CNTNAP2: variants seen among roughly 807,000 people sequenced by gnomAD.
The protein encoded by CNTNAP2 is contactin-associated protein-like 2.
In CNTNAP2, 98 loss-of-function variants were observed where a neutral mutation model predicts 155.2. That is an observed-to-expected ratio of 0.63 (90% CI 0.54 to 0.75). The LOEUF is 0.75. Among genes scored for constraint, CNTNAP2 ranks in the 30% least tolerant of loss-of-function variants. The pLI is 0.00. For synonymous variants in CNTNAP2, 651 were observed against 631.2 expected (o/e 1.03, Z -0.47); for missense variants, 1,727 against 1,688.1 (o/e 1.02, Z -0.40).
At chr7:147,775,158 T>C (rs2116542938) in intron 13 of CNTNAP2, among the ~76,000 whole-genome samples, 1 of 146,340 alleles carries the variant, frequency 6.8e-6, no homozygotes, top group South Asian at 2.1e-4. Context: ...CTGATTTTTT[T>C]CACTACAGTT....
intron 12 of CNTNAP2, among the ~76,000 whole-genome samples, chr7:147,575,488 T>C (rs992138190): frequency 3.8e-5 from 5 of 133,138 alleles, no homozygotes; most frequent in South Asian, 2.6e-4. Context: ...GTGTGTGTAT[T>C]CCCTAGCTTT....
At chr7:147,125,935 C>A (rs1801224272) in intron 6 of CNTNAP2, among the ~76,000 whole-genome samples, 1 of 152,158 alleles carries the variant, frequency 6.6e-6, no homozygotes. Flanking sequence ...AGATCACAGT[C>A]CTTTTTAATC....
intron 1 of CNTNAP2, among the ~76,000 whole-genome samples, chr7:146,686,603 A>G (rs1461909998): frequency 6.6e-6 from 1 of 152,190 alleles, no homozygotes; most frequent in Non-Finnish European, 1.5e-5. Flanking sequence ...AAAGGAAATT[A>G]AAAGATAATT....
chr7:147,245,621 C>T (rs767357515), intron 8 of CNTNAP2, among the ~76,000 whole-genome samples: 1 of 151,998 alleles, frequency 6.6e-6, no homozygotes, highest in Non-Finnish European at 1.5e-5. Flanking sequence ...AGCACGAGGT[C>T]AGGAGTTCAA....
intron 1 of CNTNAP2, among the ~76,000 whole-genome samples, chr7:146,648,051 C>T (rs1167422670): frequency 6.6e-6 from 1 of 152,070 alleles, no homozygotes; most frequent in Admixed American, 6.6e-5. Context: ...CCTCACCTGA[C>T]CTGGAGCCAG....
chr7:146,912,199 A>G (rs1306460535), intron 3 of CNTNAP2, among the ~76,000 whole-genome samples: 2 of 150,162 alleles, frequency 1.3e-5, no homozygotes, highest in Non-Finnish European at 3.0e-5. Context: ...GATGATTTAA[A>G]TTTTCTTAAA....
At chr7:146,210,352 A>G (rs573831366) in intron 1 of CNTNAP2, among the ~76,000 whole-genome samples, 2 of 152,158 alleles carry the variant, frequency 1.3e-5, no homozygotes, top group Non-Finnish European at 2.9e-5. Flanking sequence ...GACTTGGAAG[A>G]GAAGAGATAC....
intron 1 of CNTNAP2, among the ~76,000 whole-genome samples, chr7:146,276,254 C>A (rs1800161763): frequency 6.6e-6 from 1 of 152,140 alleles, no homozygotes; most frequent in African/African-American, 2.4e-5. Context: ...AACATAAAGT[C>A]AATTCTAAGA....
chr7:148,382,868 T>TA (rs1170704320), intron 21 of CNTNAP2, among the ~76,000 whole-genome samples: 1 of 152,256 alleles, frequency 6.6e-6, no homozygotes, highest in Non-Finnish European at 1.5e-5. Context: ...TGTTAGTTTC[T>TA]AAAACTTGGA....
rs1491412313 is a variant in CNTNAP2 at position 147,775,348 on chromosome 7, T to TAA, written c.2099-128217_2099-128216insAA. Among the ~76,000 whole-genome samples the TAA allele has an allele frequency of 7.9e-3, 346 of 44,048 alleles. 25 individuals are homozygous for TAA. Among genetic ancestry groups the TAA allele is most frequent in the African/African-American group, 0.064 (328 of 5,130 alleles). The allele number at this position is 44,048 out of a possible 152,430, so 28.9% of individuals were successfully genotyped here. On this transcript the variant is annotated intron_variant, in intron 13 of 23. Coordinates refer to ENST00000361727, the MANE Select transcript of CNTNAP2 (RefSeq NM_014141.6). The stretch of plus-strand genomic sequence containing the variant: ...TTATATATATTTATAAATATATATA[T>TAA]TTATATATATTTATAAATATATATA...
chr7:146,504,708 C>G lies in CNTNAP2; in HGVS notation c.98-269563C>G, dbSNP rs144950673. ...GCAAAAACCAGGAACGTAGCACCTT[C>G]CAGTTATGTGGGCATCTAAGGAATG... On this transcript the variant is annotated intron_variant, in intron 1 of 23. Coordinates refer to ENST00000361727, the MANE Select transcript of CNTNAP2 (RefSeq NM_014141.6). Among the ~76,000 whole-genome samples the G allele has an allele frequency of 3.7e-3, 566 of 152,286 alleles. 2 individuals carry two copies. Among genetic ancestry groups the G allele is most frequent in the African/African-American group, 0.013 (527 of 41,576 alleles).
chr7:148,267,654 C>CA (rs767655781), intron 21 of CNTNAP2, among the ~76,000 whole-genome samples: 34,999 of 86,596 alleles, frequency 0.4, 5,668 homozygotes, highest in Middle Eastern at 0.45. Context: ...GACTCTGTCT[C>CA]AAAAAAAAAA....
chr7:146,185,427 G>T (rs1252061213), intron 1 of CNTNAP2, among the ~76,000 whole-genome samples: 1 of 152,046 alleles, frequency 6.6e-6, no homozygotes, highest in East Asian at 1.9e-4. Flanking sequence ...TCAAAGCCAA[G>T]AGTATTTACG....
At chr7:148,074,611 C>G (rs955854516) in intron 15 of CNTNAP2, among the ~76,000 whole-genome samples, 2 of 152,072 alleles carry the variant, frequency 1.3e-5, no homozygotes, top group African/African-American at 4.8e-5. Context: ...ATCGCTTGAA[C>G]TCGGAGGTGG....
At chr7:146,406,935 G>GA (rs1345754404) in intron 1 of CNTNAP2, among the ~76,000 whole-genome samples, 2 of 152,088 alleles carry the variant, frequency 1.3e-5, no homozygotes, top group Non-Finnish European at 2.9e-5. Flanking sequence ...AGAAGTGTTT[G>GA]AAAAAAGCTG....
chr7:147,095,183 C>A (rs1800503428), intron 4 of CNTNAP2, among the ~76,000 whole-genome samples: 1 of 121,020 alleles, frequency 8.3e-6, no homozygotes, highest in Non-Finnish European at 1.7e-5. Context: ...CCACGCCTGG[C>A]TAATTTTTTT....
intron 18 of CNTNAP2, among the ~76,000 whole-genome samples, chr7:148,207,960 G>A (rs969843149): frequency 1.3e-5 from 2 of 151,996 alleles, no homozygotes; most frequent in Non-Finnish European, 2.9e-5. Flanking sequence ...TGGTGGCGGG[G>A]GCCTGTAGTC....
chr7:147,428,124 AT>A (rs1447190582), intron 10 of CNTNAP2, among the ~76,000 whole-genome samples: 1 of 152,160 alleles, frequency 6.6e-6, no homozygotes, highest in Non-Finnish European at 1.5e-5. Flanking sequence ...GTACAGCTTG[AT>A]TTGTCATTGG....
At chr7:148,127,212 C>G (rs1378292710) in intron 16 of CNTNAP2, among the ~76,000 whole-genome samples, 3 of 152,090 alleles carry the variant, frequency 2.0e-5, no homozygotes, top group African/African-American at 7.2e-5. Context: ...GGCTGAGGAA[C>G]AAGGATCACT....
Sources: allele counts gnomAD v4.1 joint callset (sites outside exome capture counted in the v4.1 genomes callset), GRCh38; gene constraint gnomAD v4.1.1; transcripts MANE v1.5; gene names NCBI Gene and HGNC (gene_info 2026-07-23, HGNC 2026-07-21).